Variants in TENM2 observed in about 807,000 individuals in gnomAD.
TENM2 encodes teneurin-2.
Under a neutral mutation model 245.2 loss-of-function variants are expected in TENM2, and 52 were observed. The ratio of observed to expected loss-of-function variants is 0.21; its 90% CI spans 0.17 to 0.27. The LOEUF (loss-of-function observed/expected upper bound fraction) is 0.27. Among genes scored for constraint, TENM2 ranks in the 10% least tolerant of loss-of-function variants. The pLI is 1.00. For synonymous variants in TENM2, 1,363 were observed against 1,438.9 expected (o/e 0.95, Z 1.19); for missense variants, 3,046 against 3,666.8 (o/e 0.83, Z 4.37).
At chr5:167,322,460 C>T (rs1319545709) in intron 1 of TENM2, among the ~76,000 whole-genome samples, 1 of 152,112 alleles carries the variant, frequency 6.6e-6, no homozygotes, top group South Asian at 2.1e-4. Flanking sequence ...CTGCGTTGCT[C>T]CCTGACTGTG....
At chr5:167,070,132 T>TA in the TENM2 span, among the ~76,000 whole-genome samples, 63,492 of 149,694 alleles carry the variant, frequency 0.42, 14,329 homozygotes, top group African/African-American at 0.51. Flanking sequence ...TTTATTTATT[T>TA]TTTGAGACAG....
Position 168,043,655 on chromosome 5 carries a change from C to A in TENM2, c.1187-3772C>A, listed in dbSNP as rs191292928. 5.4e-3 allele frequency among the ~76,000 whole-genome samples: 815 copies of A among 152,312 alleles called. 5 individuals are homozygous for A. The highest frequency in any genetic ancestry group is 0.019 in the African/African-American group (784 of 41,562). On this transcript the variant is annotated intron_variant, in intron 5 of 28. Coordinates refer to ENST00000518659, the Ensembl canonical transcript of TENM2. ...GCTAGCCTCAGACAGGCTGCTGTAACAAACAATCCCAAACTCTCAGTGGCT... is the reference window on the plus strand; with the variant it reads ...GCTAGCCTCAGACAGGCTGCTGTAAAAAACAATCCCAAACTCTCAGTGGCT...
At chr5:167,736,290 G>T (rs1760791019) in intron 2 of TENM2, among the ~76,000 whole-genome samples, 1 of 152,076 alleles carries the variant, frequency 6.6e-6, no homozygotes, top group South Asian at 2.1e-4. Flanking sequence ...TCTCCACCTG[G>T]TCCCTCCCAT....
At chr5:167,817,135 C>T (rs112226799) in intron 2 of TENM2, among the ~76,000 whole-genome samples, 5 of 152,236 alleles carry the variant, frequency 3.3e-5, no homozygotes, top group African/African-American at 1.2e-4. Context: ...AGGAAGCAAA[C>T]GATAGAGTTG....
At chr5:168,128,980 G>A (rs986306043) in intron 12 of TENM2, 1 of 148,082 alleles carries the variant, frequency 6.8e-6, no homozygotes, top group Non-Finnish European at 1.5e-5. Flanking sequence ...AAAAAAAAAG[G>A]CTAACTCCTG....
chr5:167,347,712 C>T (rs1351222743), intron 1 of TENM2, among the ~76,000 whole-genome samples: 1 of 152,048 alleles, frequency 6.6e-6, no homozygotes, highest in Non-Finnish European at 1.5e-5. Flanking sequence ...CTCCCTTCTT[C>T]CCTTCTTTCC....
At chr5:168,026,403 G>A (rs1224860828) in intron 5 of TENM2, among the ~76,000 whole-genome samples, 1 of 152,204 alleles carries the variant, frequency 6.6e-6, no homozygotes. Context: ...GCCGACTTAT[G>A]GAGGCAGAGA....
intron 2 of TENM2, among the ~76,000 whole-genome samples, chr5:167,853,322 C>T (rs968364817): frequency 1.9e-5 from 2 of 106,324 alleles, no homozygotes; most frequent in African/African-American, 3.7e-5. Flanking sequence ...AGAAAGTGAT[C>T]GGGCTCTATT....
At chr5:167,459,477 C>T (rs900349804) in intron 2 of TENM2, among the ~76,000 whole-genome samples, 1 of 152,182 alleles carries the variant, frequency 6.6e-6, no homozygotes, top group African/African-American at 2.4e-5. Context: ...AAATATCTCT[C>T]TCATACTCTA....
At chr5:167,584,492 G>A (rs1210651900) in intron 2 of TENM2, among the ~76,000 whole-genome samples, 1 of 152,108 alleles carries the variant, frequency 6.6e-6, no homozygotes, top group African/African-American at 2.4e-5. Context: ...CCAGTCAGAA[G>A]CATTTTCCAT....
intron 2 of TENM2, chr5:167,721,429 C>A (rs1213060717): frequency 6.6e-6 from 1 of 152,190 alleles, no homozygotes; most frequent in South Asian, 2.1e-4. Context: ...GACTGGATTT[C>A]CACTGGGCTA....
chr5:167,084,366 T>TATATATACAC, the TENM2 span, among the ~76,000 whole-genome samples: 858 of 114,790 alleles, frequency 7.5e-3, 29 homozygotes, highest in Non-Finnish European at 0.013. Flanking sequence ...TATATATATA[T>TATATATACAC]ACAGATCAGA....
chr5:167,720,527 T>C (rs2150516044), intron 2 of TENM2, among the ~76,000 whole-genome samples: 1 of 152,348 alleles, frequency 6.6e-6, no homozygotes. Flanking sequence ...TTGAATTTAT[T>C]GTAGATACTT....
At chr5:168,224,230 T>TACA (rs1369204611) in intron 23 of TENM2, among the ~76,000 whole-genome samples, 5 of 152,176 alleles carry the variant, frequency 3.3e-5, no homozygotes, top group Admixed American at 2.0e-4. Context: ...CATCCCTGAT[T>TACA]ACAACACCAG....
chr5:167,484,567 T>G (rs923915273), intron 2 of TENM2, among the ~76,000 whole-genome samples: 1 of 152,184 alleles, frequency 6.6e-6, no homozygotes, highest in Non-Finnish European at 1.5e-5. Context: ...GACAATGCAC[T>G]TCTGATGTTT....
intron 2 of TENM2, among the ~76,000 whole-genome samples, chr5:167,477,264 T>TAA (rs10545252): frequency 2.8e-5 from 4 of 140,488 alleles, no homozygotes; most frequent in Admixed American, 7.2e-5. Context: ...TGAATAATAG[T>TAA]AAAAAAAAAA....
intron 5 of TENM2, among the ~76,000 whole-genome samples, chr5:168,002,421 A>G (rs972229671): frequency 3.9e-5 from 6 of 152,254 alleles, no homozygotes; most frequent in Non-Finnish European, 8.8e-5. Flanking sequence ...AATGAAGTTT[A>G]TATTAGACTT....
chr5:167,354,943 T>C (rs1759209843), intron 1 of TENM2, among the ~76,000 whole-genome samples: 1 of 152,148 alleles, frequency 6.6e-6, no homozygotes, highest in Non-Finnish European at 1.5e-5. Flanking sequence ...GAGTACAGGC[T>C]CTCTAAATGA....
At chr5:167,576,617 T>C (rs1774708128) in intron 2 of TENM2, among the ~76,000 whole-genome samples, 1 of 152,122 alleles carries the variant, frequency 6.6e-6, no homozygotes, top group Admixed American at 6.5e-5. Context: ...GAACATTTCA[T>C]CCCTGAATGC....
Sources: gnomAD v4.1 joint callset for allele counts (sites outside exome capture counted in the v4.1 genomes callset) on GRCh38, gnomAD v4.1.1 for gene constraint, MANE v1.5 for transcripts, NCBI Gene and HGNC (gene_info 2026-07-23, HGNC 2026-07-21) for gene names.